The following CUTC variants were observed in gnomAD, a reference collection of about 807,000 sequenced individuals.
CUTC encodes the protein cutC copper transporter, also known as copper homeostasis protein cutC homolog.
Under a neutral mutation model 36.2 loss-of-function variants are expected in CUTC, and 27 were observed. The ratio of observed to expected loss-of-function variants is 0.75; its 90% CI spans 0.55 to 1.03. The LOEUF is 1.03. CUTC is among the 50% of genes least tolerant of loss of function. CUTC has a pLI of 0.00. For synonymous variants in CUTC, 114 were observed against 118.3 expected (o/e 0.96, Z 0.24); for missense variants, 315 against 343.5 (o/e 0.92, Z 0.66).
intron 2 of CUTC, among the ~76,000 whole-genome samples, chr10:99,737,498 G>T (rs2037306551): frequency 6.6e-6 from 1 of 152,112 alleles, no homozygotes; most frequent in African/African-American, 2.4e-5. Context: ...AGAAGGGTAG[G>T]TGACTGCTAA....
At chr10:99,732,456 G>A (rs1339565835) in intron 1 of CUTC, 47 bp downstream of exon 1, 1 of 1,547,940 alleles carries the variant, frequency 6.5e-7, no homozygotes, top group Non-Finnish European at 8.7e-7. Flanking sequence ...AGGCTCCCCG[G>A]GGCGGGCCGG....
intron 2 of CUTC, among the ~76,000 whole-genome samples, chr10:99,738,632 A>T (rs2037317030): frequency 6.6e-6 from 1 of 152,208 alleles, no homozygotes; most frequent in African/African-American, 2.4e-5. Context: ...CGTTTAACAT[A>T]GTCCTCTGAC....
At chr10:99,736,441 A>C in intron 2 of CUTC, 124 bp downstream of exon 2, 2 of 663,078 alleles carry the variant, frequency 3.0e-6, no homozygotes, top group Non-Finnish European at 5.2e-6. Flanking sequence ...TTTCAGAAAC[A>C]ACCAATTAGA....
At chr10:99,755,403 A>C (rs940669723) in intron 8 of CUTC, among the ~76,000 whole-genome samples, 6 of 151,570 alleles carry the variant, frequency 4.0e-5, no homozygotes, top group Admixed American at 6.6e-5. Context: ...AAAAGGAAGC[A>C]AGAGCCTTAG....
rs992729818 is a variant in CUTC, at chr10:99,756,024, T to G, written c.*285T>G. 1.0e-4 allele frequency: 32 copies of G among 311,374 alleles called. No homozygotes were observed. Among genetic ancestry groups the G allele is most frequent in the Non-Finnish European group, 1.8e-5 (3 of 170,624 alleles). 19.3% of individuals were successfully genotyped at this position (311,374 alleles called of 1,614,324 possible). ...GTCTGTTTTCAGTGGAATTAATTGA[T>G]GAACTGGGAAAATTTTAACTGCATG... On this transcript the variant is annotated 3_prime_UTR_variant, in exon 9 of 9. Transcript: ENST00000370476.
At chr10:99,737,881 G>C (rs1044163044) in intron 2 of CUTC, among the ~76,000 whole-genome samples, 2 of 152,036 alleles carry the variant, frequency 1.3e-5, no homozygotes, top group Admixed American at 6.6e-5. Flanking sequence ...GGGCGCGGTG[G>C]CTCACACCTG....
In CUTC at chr10:99,732,297, G is replaced by T. The variant is rs2037200762; in HGVS notation, c.-52G>T. On this transcript the variant is annotated 5_prime_UTR_variant, in exon 1 of 9. Transcript: ENST00000370476. ...CGCTTCTTAGCTGGTGCGCGCCGGAGCCCAAATTCCAAGTGGAAACTGCAG... is the reference window on the plus strand; with the variant it reads ...CGCTTCTTAGCTGGTGCGCGCCGGATCCCAAATTCCAAGTGGAAACTGCAG... 12 of 1,549,000 alleles carry T rather than the reference G, an allele frequency of 7.7e-6. No individual in the cohort carries two copies. Among genetic ancestry groups the T allele is most frequent in the South Asian group, 2.4e-5 (2 of 83,980 alleles).
At chr10:99,739,829 A>T in intron 3 of CUTC, 60 bp downstream of exon 3, 1 of 1,432,166 alleles carries the variant, frequency 7.0e-7, no homozygotes, top group Non-Finnish European at 9.7e-7. Flanking sequence ...GAAGCAACTG[A>T]TAATCAGTTT....
chr10:99,750,369 G>T lies in CUTC; in HGVS notation c.574G>T (p.Ala192Ser). Residue 192 changes from alanine to serine, a missense_variant and splice_region_variant, in exon 7 of 9, where the codon GCA (alanine) becomes TCA (serine). Ala to Ser is a moderately conservative substitution (Grantham distance 99). Transcript: ENST00000370476. Reference protein sequence around the residue: ...LPLIKRLIEQAKGRIVVMPGG... With the variant: ...LPLIKRLIEQSKGRIVVMPGG... ...CTTGTTTTTTTTTTTCTTTTTTCAG[G>T]CAAAAGGCAGGATTGTGGTAATGCC... 6.3e-7 allele frequency: 1 copy of T among 1,583,048 alleles called. No homozygotes were observed. The highest frequency in any genetic ancestry group is 8.5e-7 in the Non-Finnish European group (1 of 1,169,618).
intron 6 of CUTC, among the ~76,000 whole-genome samples, chr10:99,748,490 G>A (rs1001995959): frequency 6.6e-6 from 1 of 152,158 alleles, no homozygotes; most frequent in Non-Finnish European, 1.5e-5. Flanking sequence ...ATTAGATGCA[G>A]GACATTTGTA....
intron 7 of CUTC, among the ~76,000 whole-genome samples, chr10:99,752,151 C>T (rs1273431487): frequency 6.6e-6 from 1 of 152,054 alleles, no homozygotes; most frequent in African/African-American, 2.4e-5. Context: ...ATAGTGACAC[C>T]TAGATAAAGA....
Position 99,732,301 on chromosome 10 carries a change from A to G in CUTC, c.-48A>G. The G allele has an allele frequency of 3.2e-6, 5 of 1,549,480 alleles. No individual in the cohort carries two copies. The highest frequency in any genetic ancestry group is 4.4e-6 in the Non-Finnish European group (5 of 1,146,270). On this transcript the variant is annotated 5_prime_UTR_variant, in exon 1 of 9. Coordinates refer to ENST00000370476, the MANE Select transcript of CUTC (RefSeq NM_015960.3). ...TCTTAGCTGGTGCGCGCCGGAGCCC[A>G]AATTCCAAGTGGAAACTGCAGGCGC...
chr10:99,742,866 G>A (rs986175611), intron 3 of CUTC, among the ~76,000 whole-genome samples: 1 of 152,124 alleles, frequency 6.6e-6, no homozygotes, highest in Non-Finnish European at 1.5e-5. Flanking sequence ...GCAGAACATC[G>A]AGCCTGGTAG....
chr10:99,747,303 A>G lies in CUTC; in HGVS notation c.486A>G (p.Leu162=). 1 of 1,614,134 alleles carries G rather than the reference A, an allele frequency of 6.2e-7. No homozygotes were observed. The highest frequency in any genetic ancestry group is 1.3e-5 in the African/African-American group (1 of 75,036). The stretch of plus-strand genomic sequence containing the variant: ...CAATGGCAGCTCTGGAGACCCTCTT[A>G]ACCTTGGGATTTGAACGCGTGTTGA... ...HDPMAALETL[L]TLGFERVLTS... Residue 162 remains leucine, a synonymous_variant, in exon 6 of 9, where the codon TTA becomes TTG. Transcript: ENST00000370476.
Position 99,743,184 on chromosome 10 carries a change from G to C in CUTC, c.225G>C (p.Gln75His), listed in dbSNP as rs1288183504. The C allele has an allele frequency of 3.1e-6, 5 of 1,613,996 alleles. No homozygotes were observed. ...GVLQVVKQSV[Q>H]IPVFVMIRPR... ...TTCAAGTAGTGAAGCAGAGTGTTCA[G>C]ATCCCAGTTTTTGTGATGATTCGGC... The change falls in exon 4 of 9, where the codon CAG becomes CAC. Residue 75 changes from glutamine to histidine, a missense_variant. By Grantham distance (24) the Gln-to-His change is conservative. Coordinates refer to ENST00000370476, the MANE Select transcript of CUTC (RefSeq NM_015960.3).
At chr10:99,733,867 A>G (rs780294718) in intron 1 of CUTC, among the ~76,000 whole-genome samples, 2 of 151,916 alleles carry the variant, frequency 1.3e-5, no homozygotes, top group Non-Finnish European at 2.9e-5. Flanking sequence ...TTTTTTATAC[A>G]TCTCTCCATC....
chr10:99,752,548 C>A (rs1564658211), intron 7 of CUTC, among the ~76,000 whole-genome samples: 1 of 152,118 alleles, frequency 6.6e-6, no homozygotes, highest in Admixed American at 6.5e-5. Context: ...GAGTGTGATG[C>A]TTTTCCATTT....
intron 6 of CUTC, among the ~76,000 whole-genome samples, chr10:99,749,982 C>T (rs1435291394): frequency 1.3e-5 from 2 of 152,000 alleles, no homozygotes; most frequent in South Asian, 2.1e-4. Flanking sequence ...ATTAAACTGA[C>T]TAAAGACAGA....
Position 99,747,370 on chromosome 10 carries a change from A to G in CUTC, c.553A>G (p.Ile185Val), listed in dbSNP as rs1415368882. 6.2e-7 allele frequency: 1 copy of G among 1,614,230 alleles called. No homozygotes were observed. Among genetic ancestry groups the G allele is most frequent in the Admixed American group, 1.7e-5 (1 of 60,036 alleles). Reference protein sequence around the residue: ...DSSALEGLPLIKRLIEQAKGR... With the variant: ...DSSALEGLPLVKRLIEQAKGR... ...TTCAGCATTAGAAGGGCTACCCCTA[A>G]TAAAGCGACTCATTGAGCAGGTACG... is the stretch of plus-strand genomic sequence containing the variant. Residue 185 changes from isoleucine (I) to valine (V), a missense_variant, in exon 6 of 9, where the codon ATA (isoleucine) becomes GTA (valine). Coordinates refer to ENST00000370476, the MANE Select transcript of CUTC (RefSeq NM_015960.3).
Sources: gnomAD v4.1 joint callset for allele counts (sites outside exome capture counted in the v4.1 genomes callset) on GRCh38, gnomAD v4.1.1 for gene constraint, MANE v1.5 for transcripts, NCBI Gene and HGNC (gene_info 2026-07-23, HGNC 2026-07-21) for gene names.